The following TBC1D22A variants were observed in gnomAD, a reference collection of about 807,000 sequenced individuals.
The protein encoded by TBC1D22A is putative GTPase activator.
A neutral mutation model predicts 60.2 loss-of-function variants in TBC1D22A; 38 were observed. The observed-to-expected ratio is 0.63, with a 90% confidence interval of 0.49 to 0.83. TBC1D22A has a LOEUF of 0.83. TBC1D22A is among the 40% of genes least tolerant of loss of function. The pLI, the probability that TBC1D22A is intolerant of heterozygous loss-of-function variation, is 0.00. For synonymous variants in TBC1D22A, 302 were observed against 281.7 expected (o/e 1.07, Z -0.72); for missense variants, 628 against 701.0 (o/e 0.90, Z 1.18).
intron 9 of TBC1D22A, among the ~76,000 whole-genome samples, chr22:46,981,684 A>T (rs1366550371): frequency 3.9e-5 from 6 of 152,102 alleles, no homozygotes; most frequent in African/African-American, 1.4e-4. Flanking sequence ...TTCCACCATG[A>T]TTCTGAGTTT....
chr22:46,876,748 C>T (rs1409040215), intron 4 of TBC1D22A, among the ~76,000 whole-genome samples: 3 of 152,222 alleles, frequency 2.0e-5, no homozygotes, highest in East Asian at 1.9e-4. Context: ...GCTAGCTCTG[C>T]GGGGCTCCAA....
chr22:46,930,376 C>T (rs1416448873), intron 8 of TBC1D22A, among the ~76,000 whole-genome samples: 3 of 152,170 alleles, frequency 2.0e-5, no homozygotes, highest in Non-Finnish European at 1.5e-5. Flanking sequence ...TCAAAATTAC[C>T]CTCATAGTCC....
chr22:46,915,553 G>C, intron 8 of TBC1D22A: 1 of 456,702 alleles, frequency 2.2e-6, no homozygotes, highest in Admixed American at 2.3e-5. Context: ...GCTGCAGCTG[G>C]CCTGGTTCTG....
At chr22:47,047,489 G>T (rs2063068742) in intron 11 of TBC1D22A, among the ~76,000 whole-genome samples, 1 of 152,198 alleles carries the variant, frequency 6.6e-6, no homozygotes. Context: ...CAGCACAGCT[G>T]GTTGCTGGAA....
chr22:47,039,916 GTC>G lies in TBC1D22A; in HGVS notation c.1329+2719_1329+2720del, dbSNP rs2062781381. Reference sequence around the variant, plus strand: ...TCCATGGCTGGAGCAGGAGCAAGGCGTCGGGGAGGTGCCACAGCCTTTTTTTT... The same window carrying G: ...TCCATGGCTGGAGCAGGAGCAAGGCGGGGGAGGTGCCACAGCCTTTTTTTT... On this transcript the variant is annotated intron_variant, in intron 11 of 12. Coordinates refer to ENST00000337137, the MANE Select transcript of TBC1D22A (RefSeq NM_014346.5). 2.0e-5 allele frequency among the ~76,000 whole-genome samples: 3 copies of G among 146,342 alleles called. No individual in the cohort carries two copies. The South Asian group carries it at 6.6e-4, about 32-fold the overall frequency.
chr22:46,890,325 G>A (rs530230933), intron 5 of TBC1D22A, among the ~76,000 whole-genome samples: 1 of 152,220 alleles, frequency 6.6e-6, no homozygotes, highest in African/African-American at 2.4e-5. Context: ...GCGACAGAGT[G>A]AGACTCTGTC....
intron 8 of TBC1D22A, chr22:46,913,836 C>T (rs1292152679): frequency 1.1e-6 from 1 of 872,200 alleles, no homozygotes; most frequent in Non-Finnish European, 1.4e-6. Context: ...ATTCTTAATG[C>T]ATTTGCCTGA....
intron 10 of TBC1D22A, among the ~76,000 whole-genome samples, chr22:47,005,264 C>G (rs528030539): frequency 5.9e-5 from 9 of 151,560 alleles, no homozygotes; most frequent in Non-Finnish European, 8.8e-5. Flanking sequence ...CACACACCCC[C>G]TACACACATG....
chr22:47,040,035 C>G (rs2062789661), intron 11 of TBC1D22A, among the ~76,000 whole-genome samples: 1 of 149,450 alleles, frequency 6.7e-6, no homozygotes, highest in African/African-American at 2.5e-5. Flanking sequence ...AGCTCCGCCT[C>G]CCAGGTTCAT....
chr22:47,065,654 T>TAGCAGGCCTCG (rs1603223209), intron 11 of TBC1D22A, among the ~76,000 whole-genome samples: 3 of 151,664 alleles, frequency 2.0e-5, no homozygotes, highest in Non-Finnish European at 1.5e-5. Flanking sequence ...TGGGTTGGAT[T>TAGCAGGCCTCG]GAGGGAGACC....
chr22:46,794,211 G>A (rs1345345480), intron 3 of TBC1D22A, among the ~76,000 whole-genome samples: 1 of 152,216 alleles, frequency 6.6e-6, no homozygotes, highest in African/African-American at 2.4e-5. Flanking sequence ...AACTCCACCA[G>A]CTTGTGATGG....
At chr22:47,040,167 G>A (rs1413188214) in intron 11 of TBC1D22A, among the ~76,000 whole-genome samples, 1 of 151,838 alleles carries the variant, frequency 6.6e-6, no homozygotes, top group Non-Finnish European at 1.5e-5. Flanking sequence ...GGATGGTCTC[G>A]ATCTCCTGAC....
intron 8 of TBC1D22A, chr22:46,915,732 G>C: frequency 2.2e-6 from 1 of 456,702 alleles, no homozygotes; most frequent in Non-Finnish European, 4.4e-6. Context: ...GGCTCTTTCT[G>C]GGGATGTGTG....
At chr22:46,853,974 C>T (rs548905047) in intron 4 of TBC1D22A, among the ~76,000 whole-genome samples, 9 of 152,306 alleles carry the variant, frequency 5.9e-5, no homozygotes, top group South Asian at 4.1e-4. Flanking sequence ...AATTTTTTCC[C>T]AGGGTTCTGT....
At chr22:46,826,796 C>T (rs1602041237) in intron 4 of TBC1D22A, among the ~76,000 whole-genome samples, 1 of 151,878 alleles carries the variant, frequency 6.6e-6, no homozygotes, top group African/African-American at 2.4e-5. Context: ...AGCACCCACG[C>T]AGCAGAGTCA....
chr22:46,825,260 C>T (rs1283155306), intron 4 of TBC1D22A, among the ~76,000 whole-genome samples: 1 of 152,076 alleles, frequency 6.6e-6, no homozygotes, highest in Non-Finnish European at 1.5e-5. Context: ...CTTAGAGGTG[C>T]CTTTTTCTTC....
intron 12 of TBC1D22A, among the ~76,000 whole-genome samples, chr22:47,142,050 G>A (rs1028555581): frequency 6.6e-6 from 1 of 152,142 alleles, no homozygotes; most frequent in African/African-American, 2.4e-5. Context: ...TCCCACATCT[G>A]CCACAGCTCT....
intron 11 of TBC1D22A, among the ~76,000 whole-genome samples, chr22:47,089,783 G>A (rs2064847723): frequency 6.6e-6 from 1 of 152,188 alleles, no homozygotes; most frequent in African/African-American, 2.4e-5. Context: ...CCTGGTTAAT[G>A]GTTATTGGGT....
intron 8 of TBC1D22A, among the ~76,000 whole-genome samples, chr22:46,927,205 C>G (rs1485745272): frequency 6.6e-6 from 1 of 152,176 alleles, no homozygotes; most frequent in Non-Finnish European, 1.5e-5. Flanking sequence ...AAATCCTCAG[C>G]AAAGTCCTAA....
Sources: gnomAD v4.1 joint callset for allele counts (sites outside exome capture counted in the v4.1 genomes callset) on GRCh38, gnomAD v4.1.1 for gene constraint, MANE v1.5 for transcripts, NCBI Gene and HGNC (gene_info 2026-07-23, HGNC 2026-07-21) for gene names.